The following FLI1 variants were observed in gnomAD, a reference collection of about 807,000 sequenced individuals.
The protein encoded by FLI1 is Friend leukemia integration 1 transcription factor.
In FLI1, 13 loss-of-function variants were observed where a neutral mutation model predicts 53.1. The ratio of observed to expected loss-of-function variants is 0.24; its 90% CI spans 0.16 to 0.39. FLI1 has a LOEUF of 0.39. Ranked by LOEUF, FLI1 falls within the 10% of genes least tolerant of loss-of-function variation. FLI1 has a pLI of 1.00. For missense variants in FLI1, 424 were observed against 600.5 expected (o/e 0.71, Z 3.07); for synonymous variants, 244 against 236.7 (o/e 1.03, Z -0.28).
chr11:128,805,621 T>G (rs1040481528), intron 6 of FLI1, 190 bp downstream of exon 6: 6 of 545,728 alleles, frequency 1.1e-5, no homozygotes, highest in Non-Finnish European at 1.9e-5. Context: ...GGATTTTCGT[T>G]TAGATTTTTG....
At chr11:128,803,585 A>G (rs982892495) in intron 5 of FLI1, among the ~76,000 whole-genome samples, 4 of 152,208 alleles carry the variant, frequency 2.6e-5, no homozygotes, top group Non-Finnish European at 1.5e-5. Context: ...CCTTAGGCAC[A>G]TGACCCGTGT....
rs1273816546 is a variant in FLI1, at chr11:128,808,334, A to G, written c.782-823A>G. Among the ~76,000 whole-genome samples, 4 of 152,322 alleles carry G rather than the reference A, an allele frequency of 2.6e-5. No individual in the cohort carries two copies. The East Asian group carries it at 5.8e-4, about 22-fold the overall frequency. On this transcript the variant is annotated intron_variant, in intron 7 of 8. Transcript: ENST00000527786. Reference sequence around the variant, plus strand: ...AAAATAGCAAAATTTTACAAAATACATGACAATTTTGCCAAGTCGAGACCC... The same window carrying G: ...AAAATAGCAAAATTTTACAAAATACGTGACAATTTTGCCAAGTCGAGACCC...
intron 1 of FLI1, among the ~76,000 whole-genome samples, chr11:128,733,337 A>G (rs1939776898): frequency 6.6e-6 from 1 of 152,156 alleles, no homozygotes; most frequent in South Asian, 2.1e-4. Flanking sequence ...TTTTAACAAC[A>G]CTTCAAGTGA....
At chr11:128,701,923 ATATATGGG>A (rs1185070553) in intron 1 of FLI1, among the ~76,000 whole-genome samples, 1 of 152,218 alleles carries the variant, frequency 6.6e-6, no homozygotes, top group African/African-American at 2.4e-5. Context: ...TTAGGTCTGA[ATATATGGG>A]TATTCATTGA....
intron 5 of FLI1, among the ~76,000 whole-genome samples, chr11:128,798,870 G>A (rs1407842671): frequency 6.6e-6 from 1 of 152,134 alleles, no homozygotes; most frequent in East Asian, 1.9e-4. Context: ...GGGGAGGAAG[G>A]AGGATGCTGG....
At chr11:128,791,829 G>T (rs1385385343) in intron 5 of FLI1, among the ~76,000 whole-genome samples, 4 of 152,182 alleles carry the variant, frequency 2.6e-5, no homozygotes, top group African/African-American at 4.8e-5. Context: ...GATGGCACCA[G>T]AGCCCCTTCT....
At chr11:128,806,223 G>A (rs1356955250) in intron 6 of FLI1, 1 of 152,076 alleles carries the variant, frequency 6.6e-6, no homozygotes, top group African/African-American at 2.4e-5. Context: ...ATGACATTTG[G>A]CAATATAAGA....
chr11:128,733,956 G>A (rs946764034), intron 1 of FLI1, among the ~76,000 whole-genome samples: 4 of 152,350 alleles, frequency 2.6e-5, no homozygotes, highest in Middle Eastern at 6.8e-3. Flanking sequence ...GAGGAGAGGA[G>A]CGACAGAGCA....
intron 1 of FLI1, among the ~76,000 whole-genome samples, chr11:128,719,866 G>C (rs613826): frequency 0.16 from 23,645 of 152,140 alleles, 2,172 homozygotes; most frequent in East Asian, 0.32. Flanking sequence ...CTGAGAAACA[G>C]GACTAAGTTA....
rs1185226770 is a variant in FLI1, at chr11:128,812,839, C to CAA, written c.*1852_*1853insAA. On this transcript the variant is annotated 3_prime_UTR_variant, in exon 9 of 9. Coordinates refer to ENST00000527786, the MANE Select transcript of FLI1 (RefSeq NM_002017.5). The stretch of plus-strand genomic sequence containing the variant: ...TCAGACCAGGACTTTATGGCTCATG[C>CAA]AGATTTTTAAGGTCATTTTTCTTCC... 5 of 186,336 alleles carry CAA rather than the reference C, an allele frequency of 2.7e-5. No homozygotes were observed. The highest frequency in any genetic ancestry group is 7.0e-5 in the African/African-American group (3 of 42,908). The allele number at this position is 186,336 out of a possible 1,614,324, so 11.5% of individuals were successfully genotyped here.
At chr11:128,693,991 A>T (rs1406280996), upstream of FLI1, 4 of 275,982 alleles carry the variant, frequency 1.4e-5, no homozygotes, top group Non-Finnish European at 2.6e-5. Flanking sequence ...AGAGAGAGAG[A>T]GATAGGACTT....
chr11:128,752,037 G>A (rs150677325), intron 1 of FLI1, among the ~76,000 whole-genome samples: 192 of 151,722 alleles, frequency 1.3e-3, no homozygotes, highest in African/African-American at 4.4e-3. Context: ...GTGCTGTGCC[G>A]CTACATCGGC....
chr11:128,695,653 T>C (rs1206446138), intron 1 of FLI1, among the ~76,000 whole-genome samples: 1 of 152,146 alleles, frequency 6.6e-6, no homozygotes, highest in African/African-American at 2.4e-5. Context: ...GGAGATGAGA[T>C]AACTGACTGT....
chr11:128,733,859 G>T (rs1229152066), intron 1 of FLI1, among the ~76,000 whole-genome samples: 1 of 152,336 alleles, frequency 6.6e-6, no homozygotes, highest in Non-Finnish European at 1.5e-5. Flanking sequence ...ATGCAAAGAA[G>T]TTCTTGTCTT....
intron 5 of FLI1, among the ~76,000 whole-genome samples, chr11:128,784,033 C>G (rs1942005176): frequency 6.6e-6 from 1 of 152,076 alleles, no homozygotes; most frequent in Non-Finnish European, 1.5e-5. Context: ...GAACCCTAAC[C>G]TCTGAACTGC....
chr11:128,695,101 T>C (rs7945814), intron 1 of FLI1, among the ~76,000 whole-genome samples: 107,719 of 152,006 alleles, frequency 0.71, 38,215 homozygotes, highest in Middle Eastern at 0.83. Context: ...CGGAGCCGCC[T>C]CCGTTGCAGG....
intron 1 of FLI1, among the ~76,000 whole-genome samples, chr11:128,731,295 C>T (rs1429040721): frequency 6.9e-6 from 1 of 145,308 alleles, no homozygotes; most frequent in Non-Finnish European, 1.5e-5. Flanking sequence ...GCCCTTAGGA[C>T]CTAAATGTGG....
intron 1 of FLI1, among the ~76,000 whole-genome samples, chr11:128,746,185 C>T (rs1010116647): frequency 3.9e-5 from 6 of 152,248 alleles, no homozygotes; most frequent in African/African-American, 1.4e-4. Context: ...TTTTATTTAA[C>T]TTAATTCATT....
intron 4 of FLI1, 47 bp from the exon 5 acceptor site, chr11:128,781,911 C>A: frequency 6.8e-7 from 1 of 1,473,400 alleles, no homozygotes; most frequent in Non-Finnish European, 9.5e-7. Flanking sequence ...TACTCTTGAT[C>A]TCAGAAGAAC....
Sources: gnomAD v4.1 joint callset for allele counts (sites outside exome capture counted in the v4.1 genomes callset) on GRCh38, gnomAD v4.1.1 for gene constraint, MANE v1.5 for transcripts, NCBI Gene and HGNC (gene_info 2026-07-23, HGNC 2026-07-21) for gene names.